Variants in NT5C3A observed in about 807,000 individuals in gnomAD.
NT5C3A encodes cytosolic 5'-nucleotidase 3A.
NT5C3A carries 23 observed loss-of-function variants against 40.0 expected under a neutral mutation model. That is an observed-to-expected ratio of 0.58 (90% CI 0.41 to 0.81). NT5C3A has a LOEUF of 0.81. Among genes scored for constraint, NT5C3A ranks in the 40% least tolerant of loss-of-function variants. The pLI, the probability that NT5C3A is intolerant of heterozygous loss-of-function variation, is 0.00. For synonymous variants in NT5C3A, 130 were observed against 141.4 expected (o/e 0.92, Z 0.57); for missense variants, 328 against 403.0 (o/e 0.81, Z 1.59).
chr7:33,050,880 T>C (rs897660656), intron 1 of NT5C3A, among the ~76,000 whole-genome samples: 2 of 152,166 alleles, frequency 1.3e-5, no homozygotes, highest in South Asian at 2.1e-4. Flanking sequence ...TAATTTGATA[T>C]AGAATAGCAG....
chr7:33,016,022 C>T (rs1228702518), intron 7 of NT5C3A, 152 bp from the exon 8 acceptor site: 1 of 648,862 alleles, frequency 1.5e-6, no homozygotes, highest in Admixed American at 2.6e-5. Flanking sequence ...AAGTCCATCA[C>T]ATTCACCATA....
intron 6 of NT5C3A, among the ~76,000 whole-genome samples, chr7:33,019,248 CCT>C (rs1785499542): frequency 7.1e-6 from 1 of 140,164 alleles, no homozygotes; most frequent in African/African-American, 2.6e-5. Context: ...AGAGAGAGAC[CCT>C]GTCTTTAAAA....
At chr7:33,032,916 G>A (rs1203541437) in intron 1 of NT5C3A, among the ~76,000 whole-genome samples, 1 of 151,510 alleles carries the variant, frequency 6.6e-6, no homozygotes, top group Non-Finnish European at 1.5e-5. Flanking sequence ...ACTATGCCCA[G>A]GTATTTTTTT....
rs1012866554 is a variant in NT5C3A, at chr7:33,019,806, T to C, written c.441-82A>G. 5.2e-5 allele frequency: 42 copies of C among 814,636 alleles called. No individual in the cohort carries two copies. The African/African-American group carries it at 5.8e-4, about 11-fold the overall frequency. 50.5% of individuals were successfully genotyped at this position (814,636 alleles called of 1,614,324 possible). ...ATCTTTATTACAAAACATTCTTCCA[T>C]GTGAGAAAATCTGTTCCTCATATTT... is the stretch of plus-strand genomic sequence containing the variant. On this transcript the variant is annotated intron_variant, in intron 5 of 8. Transcript: ENST00000610140.
At chr7:33,044,289 G>T (rs549192673) in intron 1 of NT5C3A, among the ~76,000 whole-genome samples, 30 of 152,228 alleles carry the variant, frequency 2.0e-4, no homozygotes, top group South Asian at 1.5e-3. Flanking sequence ...GAATGAGTAA[G>T]AATGTTTAAA....
intron 1 of NT5C3A, among the ~76,000 whole-genome samples, chr7:33,046,920 T>C (rs1175327574): frequency 1.3e-5 from 2 of 151,370 alleles, no homozygotes; most frequent in East Asian, 1.9e-4. Flanking sequence ...TCTACTGCCT[T>C]AGCCTCTGGA....
intron 2 of NT5C3A, among the ~76,000 whole-genome samples, chr7:33,026,353 GAAAAAAAAAAAAA>G (rs1226260693): frequency 5.2e-4 from 49 of 94,182 alleles, no homozygotes; most frequent in African/African-American, 1.7e-3. Flanking sequence ...CATCTCAAAA[GAAAAAAAAAAAAA>G]AAAAAAAGAA....
chr7:33,041,225 G>T, intron 1 of NT5C3A: 2 of 694,642 alleles, frequency 2.9e-6, no homozygotes, highest in Non-Finnish European at 3.5e-6. Context: ...TCAGTGGTTT[G>T]TCAGTGTACT....
chr7:33,049,615 T>C (rs1472999498), intron 1 of NT5C3A, among the ~76,000 whole-genome samples: 1 of 152,158 alleles, frequency 6.6e-6, no homozygotes. Context: ...TATGTACATA[T>C]TGTACACAAA....
chr7:33,040,550 A>G (rs1488419399), intron 1 of NT5C3A, among the ~76,000 whole-genome samples: 1 of 152,186 alleles, frequency 6.6e-6, no homozygotes, highest in East Asian at 1.9e-4. Context: ...TGAACAACCA[A>G]ATTGAATCTT....
At chr7:33,032,440 A>AAAAT (rs1235238078) in intron 1 of NT5C3A, among the ~76,000 whole-genome samples, 1 of 149,586 alleles carries the variant, frequency 6.7e-6, no homozygotes, top group African/African-American at 2.5e-5. Flanking sequence ...AAAAAAAAAA[A>AAAAT]AATTTACTTT....
At chr7:33,056,464 C>T (rs941473574) in intron 1 of NT5C3A, among the ~76,000 whole-genome samples, 4 of 98,962 alleles carry the variant, frequency 4.0e-5, no homozygotes, top group East Asian at 6.1e-4. Context: ...AGTGAGACCC[C>T]GTCTCTACCA....
chr7:33,014,769 T>C lies in NT5C3A; in HGVS notation c.957A>G (p.Ser319=). ...SYDIVLVQDE[S]LEVANSILQK... Reference sequence around the variant, plus strand: ...GTAAAATAGAGTTGGCTACTTCTAATGATTCATCTTGTACTAAAACAATAT... The same window carrying C: ...GTAAAATAGAGTTGGCTACTTCTAACGATTCATCTTGTACTAAAACAATAT... The change falls in exon 9 of 9, where the codon TCA becomes TCG. Residue 319 remains serine, a synonymous_variant. Coordinates refer to ENST00000610140, the MANE Select transcript of NT5C3A (RefSeq NM_001002010.5). 1.2e-6 allele frequency: 2 copies of C among 1,613,074 alleles called. No individual in the cohort carries two copies. Among genetic ancestry groups the C allele is most frequent in the Non-Finnish European group, 1.7e-6 (2 of 1,179,758 alleles).
At chr7:33,028,252 A>T (rs1258247880) in intron 1 of NT5C3A, among the ~76,000 whole-genome samples, 6 of 152,312 alleles carry the variant, frequency 3.9e-5, no homozygotes, top group Non-Finnish European at 7.4e-5. Context: ...CCTGGGCAAC[A>T]CAGCAAGACC....
At chr7:33,035,189 G>GTTTTT (rs35769309) in intron 1 of NT5C3A, among the ~76,000 whole-genome samples, 17 of 106,174 alleles carry the variant, frequency 1.6e-4, no homozygotes, top group Non-Finnish European at 2.3e-4. Flanking sequence ...TAAGGAATGA[G>GTTTTT]TTTTTTTTTT....
In NT5C3A at chr7:33,061,788, G is replaced by A. The variant is rs538388349; in HGVS notation, c.138+780C>T. On this transcript the variant is annotated intron_variant, in intron 1 of 8. Coordinates refer to ENST00000610140, the MANE Select transcript of NT5C3A (RefSeq NM_001002010.5). Reference sequence around the variant, plus strand: ...TTTCAGGAAATACATAAGCGTGCAAGTTTGTGCAAGAATTGTCTTCCTGAG... The same window carrying A: ...TTTCAGGAAATACATAAGCGTGCAAATTTGTGCAAGAATTGTCTTCCTGAG... Among the ~76,000 whole-genome samples the A allele has an allele frequency of 3.9e-5, 6 of 152,300 alleles. No individual in the cohort carries two copies. The South Asian group carries it at 1.2e-3, about 32-fold the overall frequency.
intron 2 of NT5C3A, among the ~76,000 whole-genome samples, chr7:33,025,304 A>G (rs1314261861): frequency 2.6e-5 from 4 of 152,236 alleles, no homozygotes; most frequent in African/African-American, 4.8e-5. Context: ...CAATTCAACT[A>G]TATGAAGCTC....
chr7:33,052,827 C>T (rs550097892), intron 1 of NT5C3A, among the ~76,000 whole-genome samples: 1 of 152,268 alleles, frequency 6.6e-6, no homozygotes, highest in South Asian at 2.1e-4. Context: ...ACTGCTGGGT[C>T]CAACCTCAAA....
At chr7:33,049,458 A>G (rs1787276683) in intron 1 of NT5C3A, among the ~76,000 whole-genome samples, 1 of 152,192 alleles carries the variant, frequency 6.6e-6, no homozygotes, top group African/African-American at 2.4e-5. Context: ...CTTCTGTTCA[A>G]GCCATAGATT....
Sources: gnomAD v4.1 joint callset for allele counts (sites outside exome capture counted in the v4.1 genomes callset) on GRCh38, gnomAD v4.1.1 for gene constraint, MANE v1.5 for transcripts, NCBI Gene and HGNC (gene_info 2026-07-23, HGNC 2026-07-21) for gene names.